The following TBC1D8B variants were observed in gnomAD, a reference collection of about 807,000 sequenced individuals.
TBC1D8B encodes TBC1 domain family member 8B.
In TBC1D8B, 75 loss-of-function variants were observed where a neutral mutation model predicts 82.9. That is an observed-to-expected ratio of 0.90 (90% confidence interval 0.75 to 1.10). The LOEUF is 1.10. TBC1D8B is among the 50% of genes least tolerant of loss of function. The pLI is 0.00. For missense variants in TBC1D8B, 794 were observed against 796.9 expected (o/e 1.00, Z 0.04); for synonymous variants, 276 against 276.8 (o/e 1.00, Z 0.03).
At chrX:106,865,470 G>A (rs1030824432) in intron 14 of TBC1D8B, 89 bp from the exon 15 acceptor site, 3 of 606,220 alleles carry the variant, frequency 4.9e-6, no homozygotes, top group Non-Finnish European at 7.4e-6. Flanking sequence ...TTTTCTTCTA[G>A]CAGAGAGAGA....
Position 106,861,786 on chromosome X carries a change from G to T in TBC1D8B, c.2353-3773G>T, listed in dbSNP as rs753931224. On this transcript the variant is annotated intron_variant, in intron 14 of 20. Coordinates refer to ENST00000357242, the MANE Select transcript of TBC1D8B (RefSeq NM_017752.3). Reference sequence around the variant, plus strand: ...GTAGATTTGATCCTGATATCATGTTGTTAGCTGATTATTATGCAAAACTGA... The same window carrying T: ...GTAGATTTGATCCTGATATCATGTTTTTAGCTGATTATTATGCAAAACTGA... 2.7e-5 allele frequency among the ~76,000 whole-genome samples: 3 copies of T among 110,271 alleles called. No individual in the cohort carries two copies. The Admixed American group carries it at 2.9e-4, about 11-fold the overall frequency.
chrX:106,873,612 C>G lies in TBC1D8B; in HGVS notation c.3010C>G (p.His1004Asp), dbSNP rs758383959. Residue 1004 changes from histidine (H) to aspartate (D), a missense_variant, in exon 21 of 21, where the codon CAT becomes GAT. Transcript: ENST00000357242. ...QFSKTLYNLF[H>D]EDPEEESLYQ... is the part of the protein sequence containing the mutation. The stretch of plus-strand genomic sequence containing the variant: ...TTCAAAGACCCTCTATAACTTATTT[C>G]ATGAGGACCCTGAAGAAGAATCATT... 1 of 1,207,803 alleles carries G rather than the reference C, an allele frequency of 8.3e-7. No homozygotes were observed. The highest frequency in any genetic ancestry group is 1.1e-6 in the Non-Finnish European group (1 of 893,862).
chrX:106,827,889 G>C (rs1439095378), intron 7 of TBC1D8B: 1 of 110,942 alleles, frequency 9.0e-6, no homozygotes, highest in Admixed American at 9.7e-5. Flanking sequence ...AACTAGAAAA[G>C]CAAGAGCAAA....
rs1156605962 is a variant in TBC1D8B, at chrX:106,840,323, C to T, written c.1504+125C>T. The T allele has an allele frequency of 1.3e-5, 9 of 710,085 alleles. 1 individual carries two copies. Among genetic ancestry groups the T allele is most frequent in the South Asian group, 6.2e-5 (2 of 32,135 alleles). 58.5% of individuals were successfully genotyped at this position (710,085 alleles called of 1,213,427 possible). ...TACAAAGTCTTACTCATCTTGAGTTCGGACTAGTCAAAGAAAGAAAGGTAA... is the reference window on the plus strand; with the variant it reads ...TACAAAGTCTTACTCATCTTGAGTTTGGACTAGTCAAAGAAAGAAAGGTAA... On this transcript the variant is annotated intron_variant, in intron 9 of 20. Coordinates refer to ENST00000357242, the MANE Select transcript of TBC1D8B (RefSeq NM_017752.3).
At chrX:106,827,945 C>A (rs943973201) in intron 7 of TBC1D8B, 1 of 110,810 alleles carries the variant, frequency 9.0e-6, no homozygotes, top group Non-Finnish European at 1.9e-5. Flanking sequence ...AAAATCAGAG[C>A]AGAACTGAAG....
chrX:106,835,023 G>A (rs1932140332), intron 7 of TBC1D8B, among the ~76,000 whole-genome samples: 3 of 111,935 alleles, frequency 2.7e-5, no homozygotes, highest in Non-Finnish European at 3.8e-5. Flanking sequence ...GCTCCACTAG[G>A]CAATGCTCCA....
chrX:106,808,868 AAAAT>A (rs1931272390), intron 1 of TBC1D8B, among the ~76,000 whole-genome samples: 1 of 112,190 alleles, frequency 8.9e-6, no homozygotes, highest in African/African-American at 3.2e-5. Flanking sequence ...CTAAAAATAA[AAAAT>A]AAAAAGCAGT....
chrX:106,874,306 T>C lies in TBC1D8B; in HGVS notation c.*341T>C, dbSNP rs934369554. On this transcript the variant is annotated 3_prime_UTR_variant, in exon 21 of 21. Transcript: ENST00000357242. ...CCACCAGAGGGCACAAGCATATCAC[T>C]TTTAGTAAGGAAATTACTAGCTTGT... 3.8e-5 allele frequency: 5 copies of C among 130,843 alleles called. No homozygotes were observed. The East Asian group carries it at 6.3e-4, about 17-fold the overall frequency. 10.8% of individuals were successfully genotyped at this position (130,843 alleles called of 1,213,427 possible).
chrX:106,816,944 A>G (rs1931557577), intron 1 of TBC1D8B, among the ~76,000 whole-genome samples: 1 of 111,527 alleles, frequency 9.0e-6, no homozygotes, highest in Non-Finnish European at 1.9e-5. Context: ...GCATCTGCCA[A>G]TCTATCTATA....
chrX:106,842,863 C>T (rs1932347941), intron 10 of TBC1D8B, among the ~76,000 whole-genome samples: 1 of 111,070 alleles, frequency 9.0e-6, no homozygotes, highest in Non-Finnish European at 1.9e-5. Context: ...ATTTCTCCTA[C>T]TACCAACCCA....
At chrX:106,846,818 T>G (rs897640400) in intron 10 of TBC1D8B, among the ~76,000 whole-genome samples, 15 of 111,851 alleles carry the variant, frequency 1.3e-4, no homozygotes, top group African/African-American at 3.9e-4. Context: ...CATGAAAGGA[T>G]TAATCACAGA....
At chrX:106,856,407 T>C (rs1932699426) in intron 14 of TBC1D8B, among the ~76,000 whole-genome samples, 1 of 111,031 alleles carries the variant, frequency 9.0e-6, no homozygotes, top group African/African-American at 3.3e-5. Context: ...TAGCAGGCTT[T>C]CCCTATTTAA....
intron 17 of TBC1D8B, among the ~76,000 whole-genome samples, chrX:106,867,666 G>A (rs1006291950): frequency 1.8e-5 from 2 of 111,519 alleles, no homozygotes; most frequent in African/African-American, 3.3e-5. Context: ...CCTTTTAGCC[G>A]AGATGGGGTA....
chrX:106,810,884 GGAT>G lies in TBC1D8B; in HGVS notation c.131-7775_131-7773del, dbSNP rs1212541639. 3.6e-5 allele frequency among the ~76,000 whole-genome samples: 4 copies of G among 110,970 alleles called. No individual in the cohort carries two copies. The East Asian group carries it at 1.1e-3, about 32-fold the overall frequency. The stretch of plus-strand genomic sequence containing the variant: ...CTTGTAGGAGGTTTTGAAAAATGAA[GGAT>G]GATTAGTGTTACCCCCCCACTTTTT... On this transcript the variant is annotated intron_variant, in intron 1 of 20. Coordinates refer to ENST00000357242, the MANE Select transcript of TBC1D8B (RefSeq NM_017752.3).
intron 12 of TBC1D8B, among the ~76,000 whole-genome samples, chrX:106,852,354 A>G (rs1932606275): frequency 9.7e-6 from 1 of 103,274 alleles, no homozygotes; most frequent in Admixed American, 1.1e-4. Flanking sequence ...ATTTTCTCCC[A>G]TTCTGTAGGT....
At chrX:106,811,743 T>G (rs974258212) in intron 1 of TBC1D8B, among the ~76,000 whole-genome samples, 2 of 111,792 alleles carry the variant, frequency 1.8e-5, no homozygotes, top group African/African-American at 6.5e-5. Context: ...TTTATTTGCT[T>G]TTCTGAGGGT....
chrX:106,809,248 T>A (rs1468419546), intron 1 of TBC1D8B, among the ~76,000 whole-genome samples: 3 of 111,135 alleles, frequency 2.7e-5, no homozygotes, highest in African/African-American at 9.8e-5. Context: ...AAAAACAAAG[T>A]CCCTACTCTC....
intron 1 of TBC1D8B, among the ~76,000 whole-genome samples, chrX:106,817,544 T>C (rs1047309192): frequency 1.2e-4 from 13 of 111,555 alleles, no homozygotes; most frequent in Non-Finnish European, 2.1e-4. Context: ...TCGGGCTATA[T>C]GTATAAGGTA....
chrX:106,815,727 C>T (rs1443992448), intron 1 of TBC1D8B: 1 of 111,006 alleles, frequency 9.0e-6, no homozygotes, highest in African/African-American at 3.3e-5. Flanking sequence ...TTTCATTGAG[C>T]AGTGGTTTGT....
Sources: allele counts gnomAD v4.1 joint callset (sites outside exome capture counted in the v4.1 genomes callset), GRCh38; gene constraint gnomAD v4.1.1; transcripts MANE v1.5; gene names NCBI Gene and HGNC (gene_info 2026-07-23, HGNC 2026-07-21).